Variants in ZNF600 observed in about 807,000 individuals in gnomAD.
ZNF600 encodes zinc finger protein KR-ZNF1.
ZNF600 carries 4 observed loss-of-function variants against 7.3 expected under a neutral mutation model. The ratio of observed to expected loss-of-function variants is 0.55; its 90% CI spans 0.27 to 1.25. The LOEUF (loss-of-function observed/expected upper bound fraction) is 1.25, where lower values mean the gene tolerates loss of function less well. Among genes scored for constraint, ZNF600 ranks in the 50% most tolerant of loss-of-function variants. ZNF600 has a pLI of 0.12. For missense variants in ZNF600, 911 were observed against 922.1 expected (o/e 0.99, Z 0.16); for synonymous variants, 290 against 308.9 (o/e 0.94, Z 0.64).
At chr19:52,812,326 C>G in the ZNF600 span, among the ~76,000 whole-genome samples, 13 of 141,356 alleles carry the variant, frequency 9.2e-5, no homozygotes, top group East Asian at 4.0e-4. Context: ...AATAGAAAGG[C>G]GGGAAGGGTG....
intron 1 of ZNF600, among the ~76,000 whole-genome samples, chr19:52,786,332 A>C (rs1363917675): frequency 6.6e-6 from 1 of 152,190 alleles, no homozygotes; most frequent in Non-Finnish European, 1.5e-5. Flanking sequence ...GACCAGGCAG[A>C]GGACGCAGCC....
the ZNF600 span, chr19:52,798,408 G>C: frequency 2.6e-6 from 1 of 391,472 alleles, no homozygotes; most frequent in Non-Finnish European, 5.1e-6. Flanking sequence ...ATTAATGCTT[G>C]ATGGCTTGCT....
the ZNF600 span, chr19:52,801,015 C>T: frequency 6.2e-7 from 1 of 1,614,078 alleles, no homozygotes; most frequent in Non-Finnish European, 8.5e-7. Context: ...AAAGATCTTG[C>T]CACACTCATT....
At chr19:52,783,522 C>A (rs142019625) in intron 1 of ZNF600, among the ~76,000 whole-genome samples, 17,942 of 151,926 alleles carry the variant, frequency 0.12, 1,285 homozygotes, top group Admixed American at 0.22. Context: ...CCACCACGCC[C>A]GGCTAATTTT....
At chr19:52,784,888 G>C (rs956008149) in intron 1 of ZNF600, among the ~76,000 whole-genome samples, 4 of 152,054 alleles carry the variant, frequency 2.6e-5, no homozygotes, top group Admixed American at 1.3e-4. Context: ...TATCACACCC[G>C]GTTAAATTTT....
intron 3 of ZNF600, among the ~76,000 whole-genome samples, chr19:52,773,202 G>C (rs28667641): frequency 0.12 from 17,323 of 149,032 alleles, 485 homozygotes; most frequent in South Asian, 0.17. Context: ...GTGCATGCAT[G>C]TCTGTGGGAA....
the ZNF600 span, among the ~76,000 whole-genome samples, chr19:52,822,074 C>CTTTTTTTTTT: frequency 9.5e-4 from 75 of 78,680 alleles, 2 homozygotes; most frequent in Middle Eastern, 9.1e-3. Flanking sequence ...TTCTTTTTCC[C>CTTTTTTTTTT]TTTTTTTTTT....
chr19:52,767,850 A>T lies in ZNF600; in HGVS notation c.191-78T>A, dbSNP rs552288951. On this transcript the variant is annotated intron_variant, in intron 3 of 3. Transcript: ENST00000648973. Reference sequence around the variant, plus strand: ...TACTGAAGTGTGTAAATATGACACAAAAAACAATACTTATTTTGAACTTCC... The same window carrying T: ...TACTGAAGTGTGTAAATATGACACATAAAACAATACTTATTTTGAACTTCC... The T allele has an allele frequency of 4.9e-4, 710 of 1,462,418 alleles. 3 individuals are homozygous for T. The highest frequency in any genetic ancestry group is 2.0e-3 in the Middle Eastern group (11 of 5,440). The allele number at this position is 1,462,418 out of a possible 1,614,324, so 90.6% of individuals were successfully genotyped here.
At chr19:52,793,885 A>C in the ZNF600 span, among the ~76,000 whole-genome samples, 4 of 152,112 alleles carry the variant, frequency 2.6e-5, no homozygotes, top group Non-Finnish European at 5.9e-5. Context: ...ATAAATTACA[A>C]CATTTACAAA....
intron 1 of ZNF600, among the ~76,000 whole-genome samples, chr19:52,781,934 G>A (rs1459118694): frequency 1.3e-5 from 2 of 151,994 alleles, no homozygotes; most frequent in African/African-American, 4.8e-5. Flanking sequence ...AGGGGTGTAT[G>A]CCTGTAATCC....
At chr19:52,799,216 G>C in the ZNF600 span, 8 of 392,302 alleles carry the variant, frequency 2.0e-5, no homozygotes, top group Non-Finnish European at 3.5e-5. Context: ...ATTGCCTTTT[G>C]AATTACAAGG....
the ZNF600 span, among the ~76,000 whole-genome samples, chr19:52,804,340 G>T: frequency 6.6e-6 from 1 of 152,094 alleles, no homozygotes; most frequent in Admixed American, 6.5e-5. Context: ...CTATCACCCA[G>T]GCTGGAGTGT....
chr19:52,815,198 G>A, the ZNF600 span, among the ~76,000 whole-genome samples: 2 of 144,740 alleles, frequency 1.4e-5, no homozygotes, highest in African/African-American at 5.4e-5. Flanking sequence ...CTTTGGCAGT[G>A]GGAGGAAGGA....
At chr19:52,806,171 A>C in the ZNF600 span, 5 of 145,290 alleles carry the variant, frequency 3.4e-5, no homozygotes, top group African/African-American at 1.3e-4. Flanking sequence ...GAGAAGAAGA[A>C]GTCATTTTTG....
At chr19:52,809,150 G>C in the ZNF600 span, among the ~76,000 whole-genome samples, 1 of 152,134 alleles carries the variant, frequency 6.6e-6, no homozygotes, top group Admixed American at 6.6e-5. Flanking sequence ...TGCGGGCAGG[G>C]GGAATCTTGT....
At chr19:52,765,811 G>A (rs139435821) in exon 4 of ZNF600, 57 of 1,613,638 alleles carry the variant, frequency 3.5e-5, no homozygotes, top group Middle Eastern at 3.3e-4. Context: ...TGTGATTTGC[G>A]ACTGAAAACT....
exon 3 of ZNF600, chr19:52,774,610 A>G (rs1228584731): frequency 1.7e-5 from 17 of 985,040 alleles, no homozygotes; most frequent in Non-Finnish European, 1.9e-5. Context: ...CTCCAACATC[A>G]CTTCCCTGTA....
chr19:52,785,634 C>T (rs924517816), intron 1 of ZNF600, among the ~76,000 whole-genome samples: 1 of 152,038 alleles, frequency 6.6e-6, no homozygotes, highest in Non-Finnish European at 1.5e-5. Context: ...CTTATCTCTC[C>T]GTCTCCTCTG....
chr19:52,784,960 C>A (rs886369297), intron 1 of ZNF600, among the ~76,000 whole-genome samples: 3 of 152,094 alleles, frequency 2.0e-5, no homozygotes, highest in African/African-American at 7.2e-5. Flanking sequence ...TGGTCTTGAA[C>A]TCCTAGACTC....
Sources: gnomAD v4.1 joint callset for allele counts (sites outside exome capture counted in the v4.1 genomes callset) on GRCh38, gnomAD v4.1.1 for gene constraint, MANE v1.5 for transcripts, NCBI Gene and HGNC (gene_info 2026-07-23, HGNC 2026-07-21) for gene names.